NPSR1: variants seen among roughly 807,000 people sequenced by gnomAD.
The protein encoded by NPSR1 is neuropeptide S receptor.
A neutral mutation model predicts 46.9 loss-of-function variants in NPSR1; 48 were observed. The ratio of observed to expected loss-of-function variants is 1.02; its 90% CI spans 0.81 to 1.30. The LOEUF (loss-of-function observed/expected upper bound fraction) is 1.30, where lower values mean the gene tolerates loss of function less well. NPSR1 is among the 50% of genes most tolerant of loss of function. The pLI, the probability that NPSR1 is intolerant of heterozygous loss-of-function variation, is 0.00. For missense variants in NPSR1, 450 were observed against 449.5 expected (o/e 1.00, Z -0.01); for synonymous variants, 176 against 168.1 (o/e 1.05, Z -0.36).
At chr7:34,748,501 T>C (rs1785333594) in intron 2 of NPSR1, among the ~76,000 whole-genome samples, 1 of 152,144 alleles carries the variant, frequency 6.6e-6, no homozygotes. Flanking sequence ...TTATTTACTC[T>C]GGGCTGTGTG....
intron 2 of NPSR1, chr7:34,728,854 T>A (rs900870240): frequency 6.5e-6 from 1 of 152,692 alleles, no homozygotes; most frequent in East Asian, 1.9e-4. Flanking sequence ...TAAATGTCTG[T>A]AAATTTTCAT....
intron 3 of NPSR1, among the ~76,000 whole-genome samples, chr7:34,782,923 G>A (rs1787296812): frequency 6.6e-6 from 1 of 152,038 alleles, no homozygotes; most frequent in African/African-American, 2.4e-5. Context: ...AAGAATTAAA[G>A]AGAGAGACTG....
At chr7:34,807,528 A>C (rs1254589505) in intron 3 of NPSR1, among the ~76,000 whole-genome samples, 6 of 152,098 alleles carry the variant, frequency 3.9e-5, no homozygotes, top group Non-Finnish European at 8.8e-5. Context: ...CTTTGAATTT[A>C]ATTTGTCTAA....
chr7:34,671,667 C>T (rs1235540791), intron 1 of NPSR1, among the ~76,000 whole-genome samples: 2 of 152,172 alleles, frequency 1.3e-5, no homozygotes, highest in East Asian at 1.9e-4. Flanking sequence ...GCACAGAAAA[C>T]AAAGCTTGCA....
chr7:34,848,049 C>T (rs1350944688), intron 7 of NPSR1, among the ~76,000 whole-genome samples: 2 of 152,352 alleles, frequency 1.3e-5, no homozygotes, highest in South Asian at 2.1e-4. Flanking sequence ...TTCTCCCTGA[C>T]ATAACCTAAA....
intron 2 of NPSR1, among the ~76,000 whole-genome samples, chr7:34,689,464 G>C (rs1330064895): frequency 2.0e-5 from 3 of 151,760 alleles, no homozygotes; most frequent in East Asian, 1.9e-4. Flanking sequence ...AATTAGCTGG[G>C]TGTGGTGGTG....
rs183519700 is a variant in NPSR1, at chr7:34,777,746, G to A, written c.281-716G>A. On this transcript the variant is annotated intron_variant, in intron 2 of 8. Transcript: ENST00000360581. ...AGTGATGTCTGTCATGGAGGGGTGAGGGGCAGTTTTTAGACATATAGCCTA... is the reference window on the plus strand; with the variant it reads ...AGTGATGTCTGTCATGGAGGGGTGAAGGGCAGTTTTTAGACATATAGCCTA... Among the ~76,000 whole-genome samples the A allele has an allele frequency of 3.0e-4, 45 of 152,212 alleles. No individual in the cohort carries two copies. The East Asian group carries it at 8.3e-3, about 28-fold the overall frequency.
At chr7:34,808,475 G>T (rs1046342008) in intron 3 of NPSR1, among the ~76,000 whole-genome samples, 1 of 152,034 alleles carries the variant, frequency 6.6e-6, no homozygotes, top group Non-Finnish European at 1.5e-5. Context: ...GTCTTTCTTT[G>T]TACTCTGTCC....
At chr7:34,866,709 A>T (rs935841326) in intron 8 of NPSR1, among the ~76,000 whole-genome samples, 1 of 151,700 alleles carries the variant, frequency 6.6e-6, no homozygotes, top group African/African-American at 2.4e-5. Flanking sequence ...AAAGGGTATG[A>T]ATAAGCACTA....
At chr7:34,832,525 G>C (rs1182054427) in intron 5 of NPSR1, among the ~76,000 whole-genome samples, 1 of 152,068 alleles carries the variant, frequency 6.6e-6, no homozygotes, top group Non-Finnish European at 1.5e-5. Flanking sequence ...AAAAAAAAAT[G>C]GGGACACACA....
intron 2 of NPSR1, among the ~76,000 whole-genome samples, chr7:34,707,148 G>T (rs766851816): frequency 6.6e-6 from 1 of 152,116 alleles, no homozygotes; most frequent in Non-Finnish European, 1.5e-5. Context: ...ACCTGGGAAA[G>T]GCATTTACCC....
chr7:34,829,653 C>T (rs73327797), intron 5 of NPSR1, among the ~76,000 whole-genome samples: 2,681 of 152,246 alleles, frequency 0.018, 37 homozygotes, highest in African/African-American at 0.042. Context: ...ACATGGACCA[C>T]GCAGCTCAGG....
At chr7:34,853,702 T>G (rs749565817), downstream of NPSR1, among the ~76,000 whole-genome samples, 23 of 152,212 alleles carry the variant, frequency 1.5e-4, no homozygotes, top group Admixed American at 7.2e-4. Flanking sequence ...GGCTCACGCC[T>G]GTAATCCCAG....
intron 3 of NPSR1, among the ~76,000 whole-genome samples, chr7:34,780,858 T>C (rs1041893470): frequency 3.3e-5 from 5 of 152,256 alleles, no homozygotes; most frequent in Admixed American, 6.5e-5. Flanking sequence ...ACTCACCCAC[T>C]GTGAAAAACG....
Position 34,666,160 on chromosome 7 carries a change from G to A in NPSR1, c.147+7601G>A, listed in dbSNP as rs151172128. Among the ~76,000 whole-genome samples the A allele has an allele frequency of 6.4e-4, 98 of 152,258 alleles. No homozygotes were observed. In the East Asian group the frequency reaches 0.018, roughly 27 times the overall value. ...GATTCGTGACATCACAGTAAGCCAT[G>A]TTCTATATTATTTAGTAATGATGAG... On this transcript the variant is annotated intron_variant, in intron 1 of 8. Transcript: ENST00000360581.
At chr7:34,838,928 G>C (rs1790474518) in intron 6 of NPSR1, among the ~76,000 whole-genome samples, 1 of 152,126 alleles carries the variant, frequency 6.6e-6, no homozygotes, top group Non-Finnish European at 1.5e-5. Context: ...TTATAACTAT[G>C]TCTAGCTATC....
At chr7:34,849,384 A>C (rs1284985663) in intron 8 of NPSR1, 181 bp from the exon 9 acceptor site, 13 of 1,552,974 alleles carry the variant, frequency 8.4e-6, no homozygotes, top group Non-Finnish European at 1.0e-5. Context: ...TCTGGTGCTG[A>C]CCAGTGAGAA....
intron 2 of NPSR1, among the ~76,000 whole-genome samples, chr7:34,754,584 G>A (rs895771161): frequency 6.6e-6 from 1 of 151,402 alleles, no homozygotes; most frequent in Non-Finnish European, 1.5e-5. Context: ...GCCCAGACAG[G>A]CTTCACCTAA....
chr7:34,727,929 A>C (rs1316887134), intron 2 of NPSR1, among the ~76,000 whole-genome samples: 6 of 152,118 alleles, frequency 3.9e-5, no homozygotes, highest in Non-Finnish European at 8.8e-5. Flanking sequence ...TTTTTTAAAA[A>C]TCCCTGATGA....
Sources: gnomAD v4.1 joint callset for allele counts (sites outside exome capture counted in the v4.1 genomes callset) on GRCh38, gnomAD v4.1.1 for gene constraint, MANE v1.5 for transcripts, NCBI Gene and HGNC (gene_info 2026-07-23, HGNC 2026-07-21) for gene names.